The following PRDM12 variants were observed in gnomAD, a reference collection of about 807,000 sequenced individuals.
The protein encoded by PRDM12 is PR domain zinc finger protein 12.
A neutral mutation model predicts 29.6 loss-of-function variants in PRDM12; 17 were observed. The observed-to-expected ratio is 0.57, with a 90% CI of 0.39 to 0.86. PRDM12 has a LOEUF of 0.86. Ranked by LOEUF, PRDM12 falls within the 40% of genes least tolerant of loss-of-function variation. PRDM12 has a pLI of 0.00. For synonymous variants in PRDM12, 231 were observed against 225.8 expected (o/e 1.02, Z -0.21); for missense variants, 422 against 510.8 (o/e 0.83, Z 1.68).
chr9:130,669,275 C>G (rs1217075962), intron 3 of PRDM12, among the ~76,000 whole-genome samples: 3 of 151,776 alleles, frequency 2.0e-5, no homozygotes, highest in Non-Finnish European at 4.4e-5. Flanking sequence ...TGCAGTGAGC[C>G]GAGATCACGC....
Position 130,666,721 on chromosome 9 carries a change from G to A in PRDM12, c.337G>A (p.Glu113Lys), listed in dbSNP as rs1340429004. Reference sequence around the variant, plus strand: ...CAAGACGTGGATCAAGGCGGGAACCGAGATGGGCCCCTTCACCGGCCGCGT... The same window carrying A: ...CAAGACGTGGATCAAGGCGGGAACCAAGATGGGCCCCTTCACCGGCCGCGT... ...FSKTWIKAGTEMGPFTGRVIA... is the reference protein window; with the variant it reads ...FSKTWIKAGTKMGPFTGRVIA... The change falls in exon 2 of 5, where the codon GAG (glutamate) becomes AAG (lysine). Residue 113 changes from glutamate (E) to lysine (K), a missense_variant. Glu to Lys is a moderately conservative substitution (Grantham distance 56). Transcript: ENST00000253008. The A allele has an allele frequency of 1.2e-6, 2 of 1,613,408 alleles. No homozygotes were observed. Among genetic ancestry groups the A allele is most frequent in the South Asian group, 1.1e-5 (1 of 90,980 alleles).
rs1830897541 is a variant in PRDM12 at position 130,681,253 on chromosome 9, T to C, written c.688T>C (p.Phe230Leu). The C allele has an allele frequency of 6.8e-7, 1 of 1,471,120 alleles. No homozygotes were observed. 91.1% of individuals were successfully genotyped at this position (1,471,120 alleles called of 1,614,324 possible). A position where few individuals can be genotyped will look rare whatever the true frequency, so the allele number is the denominator to read the frequency against. Residue 230 changes from phenylalanine to leucine, a missense_variant, in exon 5 of 5, where the codon TTC (phenylalanine) becomes CTC (leucine). Phe to Leu is a conservative substitution (Grantham distance 22). Transcript: ENST00000253008. The surrounding 1 kb of genome is among the most constrained non-coding windows in gnomAD (Gnocchi z 8.1). ...EDQKKNKHED[F>L]HPADSAAGPA... Reference sequence around the variant, plus strand: ...CCGCCCCGCCCCGCGGCCAGAGGACTTCCACCCGGCGGACTCGGCGGCTGG... The same window carrying C: ...CCGCCCCGCCCCGCGGCCAGAGGACCTCCACCCGGCGGACTCGGCGGCTGG...
intron 4 of PRDM12, among the ~76,000 whole-genome samples, chr9:130,680,628 A>ATAT (rs1830885591): frequency 1.5e-5 from 1 of 68,562 alleles, no homozygotes; most frequent in African/African-American, 8.3e-5. Context: ...CCGTCTAAAA[A>ATAT]AAAAAAATAT....
At chr9:130,678,866 C>A (rs1267914895) in intron 4 of PRDM12, among the ~76,000 whole-genome samples, 3 of 151,954 alleles carry the variant, frequency 2.0e-5, no homozygotes, top group South Asian at 2.1e-4. Context: ...TGCTTCCTGG[C>A]CAGAATAGAC....
chr9:130,671,794 G>A (rs187791016), intron 3 of PRDM12, among the ~76,000 whole-genome samples: 62 of 152,308 alleles, frequency 4.1e-4, no homozygotes, highest in African/African-American at 1.4e-3. Flanking sequence ...GTTAGCCAAG[G>A]AGAAGGACCT....
At chr9:130,666,949 C>T (rs1218398687) in intron 2 of PRDM12, 151 bp downstream of exon 2, 15 of 1,110,956 alleles carry the variant, frequency 1.4e-5, no homozygotes, top group Non-Finnish European at 1.8e-5. Flanking sequence ...GACTCTAAGC[C>T]GCCCGAGCCT....
intron 3 of PRDM12, among the ~76,000 whole-genome samples, chr9:130,673,748 C>T (rs570551114): frequency 5.0e-4 from 74 of 147,166 alleles, no homozygotes; most frequent in Non-Finnish European, 8.6e-4. Context: ...CTTGGCTCAC[C>T]GCAACCTCTG....
intron 3 of PRDM12, among the ~76,000 whole-genome samples, chr9:130,669,348 T>A (rs1366023697): frequency 2.0e-5 from 3 of 148,878 alleles, no homozygotes; most frequent in African/African-American, 7.5e-5. Flanking sequence ...AATAAATAAA[T>A]AAAAATAAAA....
At chr9:130,670,574 T>C (rs2132594385) in intron 3 of PRDM12, among the ~76,000 whole-genome samples, 1 of 152,316 alleles carries the variant, frequency 6.6e-6, no homozygotes, top group South Asian at 2.1e-4. Flanking sequence ...GGTGGCTCCT[T>C]GACCATCTGG....
At chr9:130,680,634 A>AATATATATATATATATATATAT (rs1181007721) in intron 4 of PRDM12, among the ~76,000 whole-genome samples, 11 of 88,494 alleles carry the variant, frequency 1.2e-4, no homozygotes, top group East Asian at 4.6e-4. Flanking sequence ...AAAAAAAAAA[A>AATATATATATATATATATATAT]ATATATATAT....
chr9:130,680,336 C>CA (rs1830882216), intron 4 of PRDM12, among the ~76,000 whole-genome samples: 1 of 150,026 alleles, frequency 6.7e-6, no homozygotes, highest in South Asian at 2.1e-4. Context: ...GACCCTGTTT[C>CA]AAAAAAATAA....
chr9:130,667,194 G>A (rs1443542348), intron 2 of PRDM12, among the ~76,000 whole-genome samples: 1 of 152,174 alleles, frequency 6.6e-6, no homozygotes, highest in East Asian at 1.9e-4. Flanking sequence ...AGCCCCTCAA[G>A]GCCAGTCCTG....
In PRDM12 at chr9:130,681,628, G is replaced by A. The variant is rs1830904775; in HGVS notation, c.1063G>A (p.Ala355Thr). 7 of 965,526 alleles carry A rather than the reference G, an allele frequency of 7.2e-6. No homozygotes were observed. The South Asian group carries it at 1.9e-4, about 26-fold the overall frequency. 59.8% of individuals were successfully genotyped at this position (965,526 alleles called of 1,614,324 possible). A position where few individuals can be genotyped will look rare whatever the true frequency, so the allele number is the denominator to read the frequency against. Residue 355 changes from alanine to threonine, a missense_variant, in exon 5 of 5, where the codon GCC becomes ACC. Physicochemically the swap from Ala to Thr is moderately conservative, Grantham distance 58 (BLOSUM62 0). Around this residue, in one of 5 missense-constraint regions of PRDM12, gnomAD observed 66 missense variants for 61.5 expected, o/e 1.07. Transcript: ENST00000253008. The surrounding 1 kb of genome is among the most constrained non-coding windows in gnomAD (Gnocchi z 8.1). ...GCTCGCCGCCGCCGCCGCCGCCGCCGCCGCCGCCGCCGCGCACCACCTGCC... is the reference window on the plus strand; with the variant it reads ...GCTCGCCGCCGCCGCCGCCGCCGCCACCGCCGCCGCCGCGCACCACCTGCC... ...PALAAAAAAA[A>T]AAAAHHLPAM...
At position 130,678,517 on chromosome 9, in the gene PRDM12, T is replaced by A; in HGVS notation, c.571-12T>A. The A allele has an allele frequency of 6.2e-7, 1 of 1,600,106 alleles. No homozygotes were observed. Among genetic ancestry groups the A allele is most frequent in the Non-Finnish European group, 8.6e-7 (1 of 1,169,294 alleles). ...CGGCCTCCCTGACCTCCTCTTGCCT[T>A]CTTCCCTGCAGATGATCCCACCTGA... On this transcript the variant is annotated splice_polypyrimidine_tract_variant and intron_variant, in intron 3 of 4. Coordinates refer to ENST00000253008, the MANE Select transcript of PRDM12 (RefSeq NM_021619.3).
intron 3 of PRDM12, among the ~76,000 whole-genome samples, chr9:130,669,284 G>A (rs984288161): frequency 1.3e-5 from 2 of 151,590 alleles, no homozygotes; most frequent in African/African-American, 2.4e-5. Context: ...CCGAGATCAC[G>A]CCACTGCACT....
chr9:130,672,892 A>G (rs997549369), intron 3 of PRDM12, among the ~76,000 whole-genome samples: 3 of 152,190 alleles, frequency 2.0e-5, no homozygotes, highest in African/African-American at 7.2e-5. Context: ...TGTCATTTCC[A>G]ATTTATAATA....
In PRDM12 at chr9:130,668,540, T is replaced by C. The variant is rs972261365; in HGVS notation, c.570+227T>C. 6.6e-6 allele frequency among the ~76,000 whole-genome samples: 1 copy of C among 152,096 alleles called. No homozygotes were observed. Among genetic ancestry groups the C allele is most frequent in the Non-Finnish European group, 1.5e-5 (1 of 68,020 alleles). ...GAAGCTTTCTGCTGCAGATCAGAAA[T>C]GATGGAGCTCTCAACTTGACGGCAT... is the stretch of plus-strand genomic sequence containing the variant. On this transcript the variant is annotated intron_variant, in intron 3 of 4. Coordinates refer to ENST00000253008, the MANE Select transcript of PRDM12 (RefSeq NM_021619.3). This position sits in a 1 kb window ranked among gnomAD's most constrained non-coding sequence, Gnocchi z 4.0.
intron 3 of PRDM12, among the ~76,000 whole-genome samples, chr9:130,675,252 T>G (rs1371159075): frequency 6.6e-6 from 1 of 152,264 alleles, no homozygotes; most frequent in Non-Finnish European, 1.5e-5. Flanking sequence ...GGCTTAGTAT[T>G]TGATGACCCC....
At position 130,681,135 on chromosome 9, in the gene PRDM12, C is replaced by A. The variant is rs1276521823; in HGVS notation, c.683-113C>A. The A allele has an allele frequency of 3.5e-6, 4 of 1,141,644 alleles. No individual in the cohort carries two copies. The highest frequency in any genetic ancestry group is 7.3e-5 in the Admixed American group (2 of 27,242). The allele number at this position is 1,141,644 out of a possible 1,614,324, so 70.7% of individuals were successfully genotyped here. A position where few individuals can be genotyped will look rare whatever the true frequency, so the allele number is the denominator to read the frequency against. Reference sequence around the variant, plus strand: ...GCAGCACCCACCCTCAAGGACGGACCGGCCCCGGGCTGGGGGCGCTGAGGG... The same window carrying A: ...GCAGCACCCACCCTCAAGGACGGACAGGCCCCGGGCTGGGGGCGCTGAGGG... On this transcript the variant is annotated intron_variant, in intron 4 of 4. Transcript: ENST00000253008. This position sits in a 1 kb window ranked among gnomAD's most constrained non-coding sequence, Gnocchi z 8.1.
Sources: gnomAD v4.1 joint callset for allele counts (sites outside exome capture counted in the v4.1 genomes callset) on GRCh38, gnomAD v4.1.1 for gene constraint, gnomAD v4.1.1 regional missense constraint, Gnocchi (gnomAD v3.1) non-coding constraint, MANE v1.5 for transcripts, NCBI Gene and HGNC (gene_info 2026-07-23, HGNC 2026-07-21) for gene names.